ATR: variants seen among roughly 807,000 people sequenced by gnomAD.
ATR encodes serine/threonine-protein kinase ATR.
ATR carries 142 observed loss-of-function variants against 305.3 expected under a neutral mutation model. That is an observed-to-expected ratio of 0.47 (90% CI 0.41 to 0.53). ATR has a LOEUF of 0.53. Among genes scored for constraint, ATR ranks in the 20% least tolerant of loss-of-function variants. ATR has a pLI of 0.00. For synonymous variants in ATR, 1,050 were observed against 1,068.1 expected (o/e 0.98, Z 0.33); for missense variants, 2,135 against 3,133.1 (o/e 0.68, Z 7.60).
At chr3:142,565,177 G>A (rs2035024378) in intron 3 of ATR, among the ~76,000 whole-genome samples, 1 of 152,008 alleles carries the variant, frequency 6.6e-6, no homozygotes, top group Non-Finnish European at 1.5e-5. Context: ...CCAATGATTA[G>A]AGCACAGTTT....
intron 34 of ATR, among the ~76,000 whole-genome samples, chr3:142,493,868 T>TA (rs138713659): frequency 0.15 from 21,627 of 139,560 alleles, 1,894 homozygotes; most frequent in Middle Eastern, 0.27. Context: ...TCCTCTCTCT[T>TA]AAAAAAAAAA....
chr3:142,578,727 C>T lies in ATR; in HGVS notation c.-23G>A. On this transcript the variant is annotated 5_prime_UTR_variant, in exon 1 of 47. Coordinates refer to ENST00000350721, the MANE Select transcript of ATR (RefSeq NM_001184.4). ...CATGCTGAGGCTGCGAGGCACTAGT[C>T]AACCACGCCAACGCGGGTTCCCGGC... 6.2e-7 allele frequency: 1 copy of T among 1,609,560 alleles called. No homozygotes were observed. The highest frequency in any genetic ancestry group is 1.7e-5 in the Admixed American group (1 of 59,628).
At position 142,517,006 on chromosome 3, in the gene ATR, T is replaced by TATATATATATATATATATATATAC. The variant is rs980039667; in HGVS notation, c.4383-1492_4383-1491insGTATATATATATATATATATATAT. Among the ~76,000 whole-genome samples the TATATATATATATATATATATATAC allele has an allele frequency of 4.0e-5, 6 of 148,242 alleles. No individual in the cohort carries two copies. In the South Asian group the frequency reaches 1.3e-3, roughly 31 times the overall value. Reference sequence around the variant, plus strand: ...AATAATATATATATATATATATATATACATATTTCACTGTATTCCAAGTTT... The same window carrying TATATATATATATATATATATATAC: ...AATAATATATATATATATATATATATATATATATATATATATATATATACACATATTTCACTGTATTCCAAGTTT... On this transcript the variant is annotated intron_variant, in intron 24 of 46. Coordinates refer to ENST00000350721, the MANE Select transcript of ATR (RefSeq NM_001184.4).
rs141606250 is a variant in ATR, at chr3:142,553,379, C to T, written c.2653G>A (p.Val885Ile). The T allele has an allele frequency of 1.1e-4, 178 of 1,613,458 alleles. No homozygotes were observed. Among genetic ancestry groups the T allele is most frequent in the Middle Eastern group, 3.3e-4 (2 of 6,082 alleles). Residue 885 changes from valine to isoleucine, a missense_variant, in exon 13 of 47, where the codon GTA becomes ATA. This residue lies in a region of ATR where 530 missense variants were observed against 766.8 expected (regional missense o/e 0.69). Coordinates refer to ENST00000350721, the MANE Select transcript of ATR (RefSeq NM_001184.4). ...DIGRAAKGDL[V>I]PFALLHLLHC... Reference sequence around the variant, plus strand: ...AATAAGTGTAAGAGTGCAAATGGTACCAAATCTCCTTTTGCGGCCCTAAAA... The same window carrying T: ...AATAAGTGTAAGAGTGCAAATGGTATCAAATCTCCTTTTGCGGCCCTAAAA...
At position 142,553,752 on chromosome 3, in the gene ATR, A is replaced by C. The variant is rs2034562966; in HGVS notation, c.2533-12T>G. ...CTTAAGACAAAAAGCTAGAACAATA[A>C]AATTAACTGGTTAAAGAAATTTTTA... On this transcript the variant is annotated splice_polypyrimidine_tract_variant and intron_variant, in intron 11 of 46. Coordinates refer to ENST00000350721, the MANE Select transcript of ATR (RefSeq NM_001184.4). The C allele has an allele frequency of 6.2e-7, 1 of 1,611,254 alleles. No homozygotes were observed. Among genetic ancestry groups the C allele is most frequent in the African/African-American group, 1.3e-5 (1 of 74,852 alleles).
At chr3:142,552,094 A>G (rs191384935) in intron 13 of ATR, among the ~76,000 whole-genome samples, 1 of 112,150 alleles carries the variant, frequency 8.9e-6, no homozygotes, top group Non-Finnish European at 1.8e-5. Context: ...ACAATGAGAT[A>G]CCATCTCACG....
At chr3:142,562,007 T>TCTA (rs2034899235) in intron 4 of ATR, among the ~76,000 whole-genome samples, 1 of 152,208 alleles carries the variant, frequency 6.6e-6, no homozygotes, top group Admixed American at 6.5e-5. Flanking sequence ...TTAGAAACAT[T>TCTA]CTACTCCATT....
chr3:142,473,627 C>A (rs1186471273), intron 36 of ATR, among the ~76,000 whole-genome samples: 2 of 151,680 alleles, frequency 1.3e-5, no homozygotes, highest in African/African-American at 4.8e-5. Context: ...CTCACTGTAA[C>A]CTCCACCTCC....
At chr3:142,492,597 T>C (rs1462575756) in intron 35 of ATR, among the ~76,000 whole-genome samples, 3 of 152,232 alleles carry the variant, frequency 2.0e-5, no homozygotes, top group East Asian at 1.9e-4. Context: ...TTGGGATAGA[T>C]ACTTAACTCG....
At chr3:142,542,560 T>G in intron 17 of ATR, 105 bp downstream of exon 17, 1 of 1,046,796 alleles carries the variant, frequency 9.6e-7, no homozygotes. Context: ...ATAGAGAATG[T>G]CATATTTGGT....
intron 23 of ATR, 102 bp downstream of exon 23, chr3:142,522,610 GTATAACTTTGATAAAA>G: frequency 1.1e-6 from 1 of 883,236 alleles, no homozygotes. Flanking sequence ...TCATGAACTT[GTATAACTTTGATAAAA>G]GTGAGAATTA....
At position 142,505,268 on chromosome 3, in the gene ATR, C is replaced by A. The variant is rs1241911952; in HGVS notation, c.5067G>T (p.Val1689=). The A allele has an allele frequency of 6.2e-7, 1 of 1,614,034 alleles. No individual in the cohort carries two copies. The highest frequency in any genetic ancestry group is 8.5e-7 in the Non-Finnish European group (1 of 1,179,996). The stretch of plus-strand genomic sequence containing the variant: ...CCTTTCTAATTGCACTGACTCCGGC[C>A]ACTCCATCAGGTTCATGCATAGCAG... ...LYAAMHEPDG[V]AGVSAIRKAE... Residue 1689 remains valine (V), a synonymous_variant, in exon 29 of 47, where the codon GTG becomes GTT. Transcript: ENST00000350721.
intron 28 of ATR, among the ~76,000 whole-genome samples, chr3:142,507,210 T>A (rs934767067): frequency 8.2e-4 from 125 of 152,236 alleles, no homozygotes; most frequent in African/African-American, 2.8e-3. Context: ...AATCTTGAGC[T>A]CTTATTTAAT....
At chr3:142,473,310 T>C (rs888732171) in intron 36 of ATR, among the ~76,000 whole-genome samples, 2 of 152,204 alleles carry the variant, frequency 1.3e-5, no homozygotes, top group Admixed American at 1.3e-4. Context: ...TCCATTCTAT[T>C]GCATGTGGAC....
rs1212445300 is a variant in ATR at position 142,522,752 on chromosome 3, TTGAGCTCGGCTA to T, written c.4230_4241del (p.Asn1410_Gln1414delinsLys). ...CCTGAATGGCATAGGCAGCTGAATCTTGAGCTCGGCTATTATCAGCATACGCAAGGTAAGCTC... is the reference window on the plus strand; with the variant it reads ...CCTGAATGGCATAGGCAGCTGAATCTTTATCAGCATACGCAAGGTAAGCTC... On this transcript the variant is annotated inframe_deletion, in exon 23 of 47. Coordinates refer to ENST00000350721, the MANE Select transcript of ATR (RefSeq NM_001184.4). The T allele has an allele frequency of 6.2e-7, 1 of 1,613,688 alleles. No homozygotes were observed. The highest frequency in any genetic ancestry group is 8.5e-7 in the Non-Finnish European group (1 of 1,179,644).
chr3:142,479,010 T>C (rs1210086538), intron 36 of ATR, among the ~76,000 whole-genome samples: 2 of 152,232 alleles, frequency 1.3e-5, no homozygotes, highest in Non-Finnish European at 2.9e-5. Flanking sequence ...GTCTCCTGAA[T>C]ACAGCACACT....
intron 24 of ATR, among the ~76,000 whole-genome samples, chr3:142,515,927 T>G (rs1414500979): frequency 6.6e-6 from 1 of 152,228 alleles, no homozygotes; most frequent in Non-Finnish European, 1.5e-5. Flanking sequence ...GTGACTTCAG[T>G]GTCTAGCTGG....
chr3:142,503,503 T>C (rs2032083995), intron 29 of ATR, 50 bp from the exon 30 acceptor site: 1 of 1,237,370 alleles, frequency 8.1e-7, no homozygotes, highest in African/African-American at 1.5e-5. Flanking sequence ...CAATAATAGC[T>C]TGGGGACCAA....
chr3:142,450,521 A>T, intron 46 of ATR: 1 of 1,605,658 alleles, frequency 6.2e-7, no homozygotes. Context: ...GCTATTTCTC[A>T]TATCCAGAAA....
Sources: gnomAD v4.1 joint callset for allele counts (sites outside exome capture counted in the v4.1 genomes callset) on GRCh38, gnomAD v4.1.1 for gene constraint, gnomAD v4.1.1 regional missense constraint, MANE v1.5 for transcripts, NCBI Gene and HGNC (gene_info 2026-07-23, HGNC 2026-07-21) for gene names.